Variants in CTNND2 observed in about 807,000 individuals in gnomAD.
The protein encoded by CTNND2 is catenin delta-2.
A neutral mutation model predicts 144.4 loss-of-function variants in CTNND2; 22 were observed. The ratio of observed to expected loss-of-function variants is 0.15; its 90% CI spans 0.11 to 0.22. The LOEUF (loss-of-function observed/expected upper bound fraction) is 0.22. Among genes scored for constraint, CTNND2 ranks in the 10% least tolerant of loss-of-function variants. The pLI is 1.00. For missense variants in CTNND2, 1,353 were observed against 1,618.8 expected, an observed-to-expected ratio of 0.84 and a Z score of 2.82; for synonymous variants, 751 against 695.6, an observed-to-expected ratio of 1.08 and a Z score of -1.25.
chr5:11,082,898 T>G (rs1156659115), intron 15 of CTNND2, 52 bp from the exon 16 acceptor site: 3 of 1,597,446 alleles, frequency 1.9e-6, no homozygotes, highest in Non-Finnish European at 2.6e-6. Flanking sequence ...AAACCCTGCA[T>G]GCAAATAGTA....
intron 11 of CTNND2, among the ~76,000 whole-genome samples, chr5:11,193,727 C>T (rs1454301072): frequency 6.6e-6 from 1 of 151,982 alleles, no homozygotes; most frequent in Non-Finnish European, 1.5e-5. Context: ...GGGAGAGGGG[C>T]TATGCCTCTG....
chr5:11,252,359 C>G (rs987767886), intron 9 of CTNND2, among the ~76,000 whole-genome samples: 1 of 152,138 alleles, frequency 6.6e-6, no homozygotes, highest in African/African-American at 2.4e-5. Flanking sequence ...CTGCAGTGAT[C>G]AGAAACTGGG....
At chr5:11,520,149 GAAAAAAAAAAA>G (rs35979486) in intron 3 of CTNND2, among the ~76,000 whole-genome samples, 3 of 123,432 alleles carry the variant, frequency 2.4e-5, no homozygotes, top group Admixed American at 1.7e-4. Context: ...CTCTGTCTTG[GAAAAAAAAAAA>G]AAAAAAGAAA....
intron 3 of CTNND2, among the ~76,000 whole-genome samples, chr5:11,463,322 G>A (rs1053091471): frequency 6.6e-6 from 1 of 152,152 alleles, no homozygotes; most frequent in Non-Finnish European, 1.5e-5. Flanking sequence ...ATATGCAAAT[G>A]TTCATCCAGG....
At chr5:11,805,345 T>C (rs2126896156) in intron 1 of CTNND2, among the ~76,000 whole-genome samples, 1 of 152,194 alleles carries the variant, frequency 6.6e-6, no homozygotes, top group Non-Finnish European at 1.5e-5. Flanking sequence ...CAACTGACAG[T>C]CTAAAAACAA....
chr5:11,137,203 C>T (rs1244400922), intron 12 of CTNND2, among the ~76,000 whole-genome samples: 1 of 152,144 alleles, frequency 6.6e-6, no homozygotes, highest in African/African-American at 2.4e-5. Context: ...GACAGAAAAG[C>T]CATATGAGGA....
chr5:11,492,881 G>A (rs1002893938), intron 3 of CTNND2, among the ~76,000 whole-genome samples: 4 of 151,996 alleles, frequency 2.6e-5, no homozygotes, highest in Non-Finnish European at 4.4e-5. Context: ...GACCAGTATG[G>A]CCAACATGGT....
At chr5:11,617,367 A>T (rs1178539717) in intron 2 of CTNND2, among the ~76,000 whole-genome samples, 1 of 152,052 alleles carries the variant, frequency 6.6e-6, no homozygotes, top group Non-Finnish European at 1.5e-5. Context: ...TTCTCACCTC[A>T]TCTAACACTA....
intron 2 of CTNND2, among the ~76,000 whole-genome samples, chr5:11,617,635 T>G (rs901377851): frequency 3.3e-5 from 5 of 152,218 alleles, no homozygotes; most frequent in Non-Finnish European, 4.4e-5. Context: ...TAGTTCTGTG[T>G]CATATTGGTA....
At chr5:11,360,830 C>T (rs1247793577) in intron 8 of CTNND2, among the ~76,000 whole-genome samples, 2 of 152,124 alleles carry the variant, frequency 1.3e-5, no homozygotes, top group Admixed American at 1.3e-4. Flanking sequence ...TTTTAAGCCT[C>T]TTTGAATCCG....
intron 2 of CTNND2, among the ~76,000 whole-genome samples, chr5:11,708,221 A>AT (rs1288867926): frequency 1.3e-5 from 2 of 150,888 alleles, no homozygotes; most frequent in African/African-American, 5.0e-5. Flanking sequence ...TATAAAGATG[A>AT]TTTTTTAAAC....
chr5:11,887,229 C>T (rs1176768741), intron 1 of CTNND2, among the ~76,000 whole-genome samples: 3 of 151,918 alleles, frequency 2.0e-5, no homozygotes, highest in African/African-American at 4.8e-5. Context: ...GTGATCCGCC[C>T]GCCTCAGCCT....
chr5:11,163,150 T>A (rs1758963666), intron 11 of CTNND2, among the ~76,000 whole-genome samples: 1 of 152,212 alleles, frequency 6.6e-6, no homozygotes, highest in Non-Finnish European at 1.5e-5. Flanking sequence ...ATTTAGTGAC[T>A]CATTTGTGAC....
At chr5:11,279,375 C>G (rs1463426593) in intron 9 of CTNND2, among the ~76,000 whole-genome samples, 2 of 152,178 alleles carry the variant, frequency 1.3e-5, no homozygotes, top group African/African-American at 2.4e-5. Context: ...TTTCTGTCAT[C>G]TTTACCTTGA....
At chr5:11,465,659 C>G (rs1219620036) in intron 3 of CTNND2, among the ~76,000 whole-genome samples, 2 of 152,218 alleles carry the variant, frequency 1.3e-5, no homozygotes, top group East Asian at 3.9e-4. Flanking sequence ...CATCTGTTTC[C>G]CCTTCCAAAA....
At chr5:11,824,689 CTG>C (rs932069374) in intron 1 of CTNND2, among the ~76,000 whole-genome samples, 1 of 152,198 alleles carries the variant, frequency 6.6e-6, no homozygotes, top group Non-Finnish European at 1.5e-5. Flanking sequence ...AGGATAGGTT[CTG>C]TAAAACTAAA....
At chr5:11,483,156 T>G (rs1768447301) in intron 3 of CTNND2, among the ~76,000 whole-genome samples, 1 of 152,154 alleles carries the variant, frequency 6.6e-6, no homozygotes, top group Admixed American at 6.5e-5. Context: ...GGCTGAATTC[T>G]GGGTAATTTT....
rs1334855799 is a variant in CTNND2 at position 11,140,775 on chromosome 5, G to A, written c.2159+18801C>T. ...GGAGAAGCCATCTGTGTATAGTATT[G>A]GAGAGAAAATGTACACGTATTTAAG... On this transcript the variant is annotated intron_variant, in intron 12 of 21. Coordinates refer to ENST00000304623, the MANE Select transcript of CTNND2 (RefSeq NM_001332.4). Among the ~76,000 whole-genome samples the A allele has an allele frequency of 3.9e-5, 6 of 151,968 alleles. No individual in the cohort carries two copies. The East Asian group carries it at 1.2e-3, about 29-fold the overall frequency.
intron 3 of CTNND2, among the ~76,000 whole-genome samples, chr5:11,442,738 C>T (rs1183444873): frequency 6.7e-6 from 1 of 149,550 alleles, no homozygotes; most frequent in Non-Finnish European, 1.5e-5. Flanking sequence ...GGACAGCCAA[C>T]CACTGTTGAT....
Sources: gnomAD v4.1 joint callset for allele counts (sites outside exome capture counted in the v4.1 genomes callset) on GRCh38, gnomAD v4.1.1 for gene constraint, MANE v1.5 for transcripts, NCBI Gene and HGNC (gene_info 2026-07-23, HGNC 2026-07-21) for gene names.